Variants in COMMD10 observed in about 807,000 individuals in gnomAD.
COMMD10 encodes COMM domain-containing protein 10.
In COMMD10, 33 loss-of-function variants were observed where a neutral mutation model predicts 28.9. That is an observed-to-expected ratio of 1.14 (90% CI 0.87 to 1.53). The LOEUF (loss-of-function observed/expected upper bound fraction) is 1.53, where lower values mean the gene tolerates loss of function less well. Ranked by LOEUF, COMMD10 falls within the 40% of genes most tolerant of loss-of-function variation. COMMD10 has a pLI of 0.00. For missense variants in COMMD10, 310 were observed against 233.4 expected (o/e 1.33, Z -2.14); for synonymous variants, 110 against 81.7 (o/e 1.35, Z -1.87).
chr5:116,159,007 C>T lies in COMMD10; in HGVS notation c.510+24829C>T, dbSNP rs147984307. Among the ~76,000 whole-genome samples the T allele has an allele frequency of 4.0e-3, 608 of 152,226 alleles. 4 individuals carry two copies. The highest frequency in any genetic ancestry group is 6.8e-3 in the Middle Eastern group (2 of 294). On this transcript the variant is annotated intron_variant, in intron 5 of 6. Transcript: ENST00000274458. Reference sequence around the variant, plus strand: ...ATGTAGTCCAGGAAATTTTATTTCTCCTGTGGCTAATCATTTACATTTGAC... The same window carrying T: ...ATGTAGTCCAGGAAATTTTATTTCTTCTGTGGCTAATCATTTACATTTGAC...
At chr5:116,224,648 C>G (rs72804899) in intron 5 of COMMD10, among the ~76,000 whole-genome samples, 7,996 of 152,130 alleles carry the variant, frequency 0.053, 290 homozygotes, top group East Asian at 0.14. Context: ...CAGCACCAAG[C>G]CATTCATGAG....
At chr5:116,224,462 T>C (rs1043724033) in intron 5 of COMMD10, among the ~76,000 whole-genome samples, 1 of 152,200 alleles carries the variant, frequency 6.6e-6, no homozygotes, top group Non-Finnish European at 1.5e-5. Flanking sequence ...AGTGTAGTGC[T>C]CTCATCTGCT....
intron 4 of COMMD10, among the ~76,000 whole-genome samples, chr5:116,128,480 TATG>T (rs1211536973): frequency 1.3e-5 from 2 of 152,036 alleles, no homozygotes; most frequent in Admixed American, 6.6e-5. Flanking sequence ...AATTCATTGA[TATG>T]ATGTACACAG....
chr5:116,228,222 G>C (rs879877424), intron 5 of COMMD10, among the ~76,000 whole-genome samples: 1 of 151,848 alleles, frequency 6.6e-6, no homozygotes, highest in Non-Finnish European at 1.5e-5. Flanking sequence ...TGATTTGGTT[G>C]AAAAATAAAC....
chr5:116,234,697 T>G (rs537765280), intron 5 of COMMD10, among the ~76,000 whole-genome samples: 53 of 152,288 alleles, frequency 3.5e-4, no homozygotes, highest in African/African-American at 1.3e-3. Context: ...TACACACAGA[T>G]CGAGTTAGGA....
intron 5 of COMMD10, among the ~76,000 whole-genome samples, chr5:116,174,186 G>A (rs1276943203): frequency 1.3e-5 from 2 of 152,080 alleles, no homozygotes; most frequent in Non-Finnish European, 2.9e-5. Flanking sequence ...TGAAAAAGAT[G>A]TGCATGTCTT....
At chr5:116,171,538 T>C (rs778382547) in intron 5 of COMMD10, among the ~76,000 whole-genome samples, 1 of 152,186 alleles carries the variant, frequency 6.6e-6, no homozygotes, top group Non-Finnish European at 1.5e-5. Flanking sequence ...TGTATGTTTA[T>C]TGCAGCACAA....
chr5:116,088,357 A>G (rs1750179620), intron 2 of COMMD10, among the ~76,000 whole-genome samples: 1 of 152,166 alleles, frequency 6.6e-6, no homozygotes, highest in African/African-American at 2.4e-5. Flanking sequence ...TCTTTTTTAG[A>G]TGACAATAGT....
chr5:116,110,988 A>G (rs1443847492), intron 4 of COMMD10, among the ~76,000 whole-genome samples: 1 of 152,194 alleles, frequency 6.6e-6, no homozygotes, highest in Non-Finnish European at 1.5e-5. Flanking sequence ...TTGGATGGGA[A>G]CATACATCCA....
At chr5:116,122,286 GGTTGTAGAT>G (rs1198356160) in intron 4 of COMMD10, among the ~76,000 whole-genome samples, 133 of 152,242 alleles carry the variant, frequency 8.7e-4, no homozygotes, top group African/African-American at 3.1e-3. Context: ...AAGATCAGAT[GGTTGTAGAT>G]GTGTGGTGTT....
At chr5:116,183,281 G>A (rs1445644879) in intron 5 of COMMD10, among the ~76,000 whole-genome samples, 1 of 152,050 alleles carries the variant, frequency 6.6e-6, no homozygotes, top group African/African-American at 2.4e-5. Flanking sequence ...TGCCAGAACT[G>A]AAAGAAAAAT....
chr5:116,190,243 A>G (rs987580046), intron 5 of COMMD10, among the ~76,000 whole-genome samples: 9 of 152,294 alleles, frequency 5.9e-5, no homozygotes, highest in African/African-American at 2.2e-4. Context: ...TGAGGCCTAT[A>G]TATATATATC....
At chr5:116,216,751 G>A (rs1749113232) in intron 5 of COMMD10, among the ~76,000 whole-genome samples, 1 of 152,064 alleles carries the variant, frequency 6.6e-6, no homozygotes, top group South Asian at 2.1e-4. Flanking sequence ...GGCCAGGATG[G>A]TCTCGATCTC....
chr5:116,197,856 G>A (rs1207755926), intron 5 of COMMD10, among the ~76,000 whole-genome samples: 1 of 152,134 alleles, frequency 6.6e-6, no homozygotes, highest in African/African-American at 2.4e-5. Context: ...TACATGACTT[G>A]CCTAGGTTAT....
intron 5 of COMMD10, among the ~76,000 whole-genome samples, chr5:116,287,145 C>T (rs769113669): frequency 4.6e-5 from 7 of 151,680 alleles, no homozygotes; most frequent in Non-Finnish European, 1.0e-4. Context: ...GTCCTTTTAT[C>T]ATAATGTTGA....
intron 1 of COMMD10, among the ~76,000 whole-genome samples, chr5:116,087,039 CTG>C (rs749718030): frequency 2.6e-5 from 4 of 152,180 alleles, no homozygotes; most frequent in Non-Finnish European, 5.9e-5. Context: ...TTTAAAATAA[CTG>C]TGTGCTTAGT....
intron 5 of COMMD10, among the ~76,000 whole-genome samples, chr5:116,224,681 C>A (rs1749347878): frequency 6.6e-6 from 1 of 152,206 alleles, no homozygotes; most frequent in Admixed American, 6.5e-5. Context: ...AAGCCCCAAA[C>A]ACCTCCCTCT....
rs879728346 is a variant in COMMD10 at position 116,292,810 on chromosome 5, G to C, written c.*321G>C. 2.3e-5 allele frequency: 9 copies of C among 397,932 alleles called. No homozygotes were observed. Among genetic ancestry groups the C allele is most frequent in the African/African-American group, 8.2e-5 (4 of 48,558 alleles). 24.7% of individuals were successfully genotyped at this position (397,932 alleles called of 1,614,324 possible). ...CTGTCCTGCTTAGTTTTTACTTGCT[G>C]GATGATACCATAATGTATCAAGGAG... On this transcript the variant is annotated 3_prime_UTR_variant, in exon 7 of 7. Coordinates refer to ENST00000274458, the MANE Select transcript of COMMD10 (RefSeq NM_016144.4).
At chr5:116,232,939 T>A (rs1171625244) in intron 5 of COMMD10, among the ~76,000 whole-genome samples, 1 of 152,220 alleles carries the variant, frequency 6.6e-6, no homozygotes, top group African/African-American at 2.4e-5. Context: ...CCAGGCAGTC[T>A]GATTGTAATT....
Sources: gnomAD v4.1 joint callset for allele counts (sites outside exome capture counted in the v4.1 genomes callset) on GRCh38, gnomAD v4.1.1 for gene constraint, MANE v1.5 for transcripts, NCBI Gene and HGNC (gene_info 2026-07-23, HGNC 2026-07-21) for gene names.